The following CDH13 variants were observed in gnomAD, a reference collection of about 807,000 sequenced individuals.
CDH13 encodes cadherin-13.
A neutral mutation model predicts 63.8 loss-of-function variants in CDH13; 24 were observed. That is an observed-to-expected ratio of 0.38 (90% confidence interval 0.27 to 0.53). The LOEUF (loss-of-function observed/expected upper bound fraction) is 0.53. CDH13 is among the 20% of genes least tolerant of loss of function. The pLI is 0.85. For missense variants in CDH13, 1,049 were observed against 903.1 expected (o/e 1.16, Z -2.07); for synonymous variants, 503 against 355.3 (o/e 1.42, Z -4.67).
intron 10 of CDH13, chr16:83,710,292 CT>C (rs1907823606): frequency 6.6e-6 from 1 of 152,202 alleles, no homozygotes; most frequent in Non-Finnish European, 1.5e-5. Context: ...GCCAAATGAC[CT>C]CTGATTAAAA....
chr16:83,238,220 A>G (rs1904279823), intron 5 of CDH13, among the ~76,000 whole-genome samples: 1 of 48,478 alleles, frequency 2.1e-5, no homozygotes, highest in Admixed American at 3.5e-4. Context: ...TGGGTAATTC[A>G]TTTAAAAAAA....
Position 83,678,477 on chromosome 16 carries a change from C to T in CDH13, c.1538+16C>T, listed in dbSNP as rs768134029. 64 of 1,613,348 alleles carry T rather than the reference C, an allele frequency of 4.0e-5. No homozygotes were observed. Among genetic ancestry groups the T allele is most frequent in the South Asian group, 9.9e-5 (9 of 91,044 alleles). ...AAACCATCAGGTGGGTGAGTGGCTC[C>T]GGAACCACAGACGGGAGGTGGGCAG... On this transcript the variant is annotated intron_variant, in intron 10 of 13. Coordinates refer to ENST00000567109, the MANE Select transcript of CDH13 (RefSeq NM_001257.5).
intron 10 of CDH13, among the ~76,000 whole-genome samples, chr16:83,692,028 T>C (rs1904949031): frequency 6.6e-6 from 1 of 152,088 alleles, no homozygotes; most frequent in Non-Finnish European, 1.5e-5. Context: ...AAATTCACAC[T>C]CAGATTCACA....
At chr16:82,709,489 A>C (rs1289166798) in intron 1 of CDH13, among the ~76,000 whole-genome samples, 2 of 152,172 alleles carry the variant, frequency 1.3e-5, no homozygotes, top group Admixed American at 1.3e-4. Context: ...CCATGCTTGC[A>C]AGGGATGTAA....
At chr16:83,711,576 C>T (rs760331622) in intron 10 of CDH13, among the ~76,000 whole-genome samples, 18 of 152,080 alleles carry the variant, frequency 1.2e-4, no homozygotes, top group South Asian at 2.1e-4. Flanking sequence ...AGTATAGTGG[C>T]GCAATCTTGA....
intron 6 of CDH13, among the ~76,000 whole-genome samples, chr16:83,429,878 C>A (rs1346554708): frequency 6.6e-6 from 1 of 152,156 alleles, no homozygotes; most frequent in Non-Finnish European, 1.5e-5. Flanking sequence ...ATTCAGCTTG[C>A]CAAAAGCTAT....
intron 10 of CDH13, among the ~76,000 whole-genome samples, chr16:83,724,125 A>C (rs550113275): frequency 6.8e-6 from 1 of 146,492 alleles, no homozygotes; most frequent in East Asian, 2.0e-4. Context: ...GTGAGTGATG[A>C]ATGCATGGGT....
intron 7 of CDH13, among the ~76,000 whole-genome samples, chr16:83,517,960 T>C (rs1240806547): frequency 1.3e-5 from 2 of 152,236 alleles, no homozygotes; most frequent in East Asian, 3.9e-4. Flanking sequence ...CCTGGGGTGA[T>C]GAAGTGACTA....
intron 4 of CDH13, among the ~76,000 whole-genome samples, chr16:83,188,631 C>A: frequency 6.6e-6 from 1 of 152,168 alleles, no homozygotes; most frequent in East Asian, 1.9e-4. Context: ...GCTGCCTCCC[C>A]TCCAAAGTCT....
At position 82,760,003 on chromosome 16, in the gene CDH13, A is replaced by T. The variant is rs527938720; in HGVS notation, c.46-98359A>T. On this transcript the variant is annotated intron_variant, in intron 1 of 13. Transcript: ENST00000567109. ...CACCAGGTTTAAAAATTATGATTAT[A>T]ATTATTATTTGCAATAATTATGTGA... Among the ~76,000 whole-genome samples the T allele has an allele frequency of 9.9e-5, 15 of 152,248 alleles. No individual in the cohort carries two copies. In the South Asian group the frequency reaches 1.5e-3, roughly 15 times the overall value.
intron 7 of CDH13, among the ~76,000 whole-genome samples, chr16:83,490,496 C>G (rs751965458): frequency 2.0e-5 from 3 of 152,184 alleles, no homozygotes; most frequent in Non-Finnish European, 2.9e-5. Context: ...ATGGAGCCAT[C>G]TGAGGCAGGT....
chr16:82,737,686 G>C (rs534998823), intron 1 of CDH13, among the ~76,000 whole-genome samples: 1 of 152,330 alleles, frequency 6.6e-6, no homozygotes, highest in African/African-American at 2.4e-5. Context: ...TGGCCTGGCA[G>C]AACCTGCCCT....
intron 1 of CDH13, among the ~76,000 whole-genome samples, chr16:82,787,044 A>G (rs1018728959): frequency 2.0e-5 from 3 of 152,174 alleles, no homozygotes; most frequent in Non-Finnish European, 4.4e-5. Context: ...CTTATTTGAA[A>G]TGGATAGCTT....
At chr16:83,375,612 G>C (rs4238688) in intron 6 of CDH13, among the ~76,000 whole-genome samples, 31,719 of 152,118 alleles carry the variant, frequency 0.21, 3,719 homozygotes, top group African/African-American at 0.3. Flanking sequence ...TCCTAGAAGA[G>C]AGATGGGTAA....
chr16:82,729,414 C>A (rs1189017843), intron 1 of CDH13, among the ~76,000 whole-genome samples: 1 of 152,148 alleles, frequency 6.6e-6, no homozygotes, highest in African/African-American at 2.4e-5. Flanking sequence ...CATGAAAAAA[C>A]TAGTCTCGTA....
chr16:83,435,023 A>G (rs1002054121), intron 6 of CDH13, among the ~76,000 whole-genome samples: 3 of 124,860 alleles, frequency 2.4e-5, no homozygotes, highest in African/African-American at 9.5e-5. Context: ...ACACACATAT[A>G]TGAAGGAACA....
chr16:83,361,086 C>G (rs776609054), intron 6 of CDH13, among the ~76,000 whole-genome samples: 2 of 152,188 alleles, frequency 1.3e-5, no homozygotes, highest in Non-Finnish European at 2.9e-5. Context: ...TCTCCACAGC[C>G]TCATCAGCAT....
intron 3 of CDH13, among the ~76,000 whole-genome samples, chr16:83,062,107 T>C (rs772528100): frequency 4.8e-4 from 73 of 152,200 alleles, no homozygotes; most frequent in Non-Finnish European, 9.6e-4. Context: ...GGATGGATGC[T>C]GTTTCTGAGC....
At chr16:83,500,884 G>C (rs755110565) in intron 7 of CDH13, among the ~76,000 whole-genome samples, 1 of 151,980 alleles carries the variant, frequency 6.6e-6, no homozygotes, top group Non-Finnish European at 1.5e-5. Context: ...CCGGCCTAGA[G>C]ACTGGTTTCT....
Sources: gnomAD v4.1 joint callset for allele counts (sites outside exome capture counted in the v4.1 genomes callset) on GRCh38, gnomAD v4.1.1 for gene constraint, MANE v1.5 for transcripts, NCBI Gene and HGNC (gene_info 2026-07-23, HGNC 2026-07-21) for gene names.